Variants in PPP2R2B observed in about 807,000 individuals in gnomAD.
The protein encoded by PPP2R2B is protein phosphatase 2 regulatory subunit Bbeta.
Under a neutral mutation model 46.0 loss-of-function variants are expected in PPP2R2B, and 5 were observed. The ratio of observed to expected loss-of-function variants is 0.11; its 90% CI spans 0.06 to 0.23. PPP2R2B has a LOEUF of 0.23. Among genes scored for constraint, PPP2R2B ranks in the 10% least tolerant of loss-of-function variants. The pLI, the probability that PPP2R2B is intolerant of heterozygous loss-of-function variation, is 1.00. For missense variants in PPP2R2B, 367 were observed against 575.0 expected, an observed-to-expected ratio of 0.64 and a Z score of 3.70; for synonymous variants, 215 against 206.7, an observed-to-expected ratio of 1.04 and a Z score of -0.34.
chr5:146,621,053 T>C (rs1237877981), intron 7 of PPP2R2B, among the ~76,000 whole-genome samples: 1 of 152,160 alleles, frequency 6.6e-6, no homozygotes, highest in Non-Finnish European at 1.5e-5. Flanking sequence ...CAGAGCAAGG[T>C]GAGCAGTTCA....
rs138803162 is a variant in PPP2R2B at position 146,582,803 on chromosome 5, G to A, written c.*7144C>T. ...TAAGGGTGGTTGAGAAAGCATCTCT[G>A]AGGAGGTGACATTTGAGCTGAGTTT... On this transcript the variant is annotated 3_prime_UTR_variant, in exon 10 of 10. Transcript: ENST00000394411. 1 of 152,360 alleles carries A rather than the reference G, an allele frequency of 6.6e-6. No individual in the cohort carries two copies. The highest frequency in any genetic ancestry group is 1.5e-5 in the Non-Finnish European group (1 of 68,054). 9.4% of individuals were successfully genotyped at this position (152,360 alleles called of 1,614,324 possible).
chr5:146,619,975 T>C (rs2151053577), intron 7 of PPP2R2B, among the ~76,000 whole-genome samples: 1 of 152,270 alleles, frequency 6.6e-6, no homozygotes, highest in Admixed American at 6.5e-5. Context: ...AGTTAGGGAA[T>C]TGGCCCCACA....
intron 5 of PPP2R2B, among the ~76,000 whole-genome samples, chr5:146,666,843 C>T (rs1024757442): frequency 2.0e-5 from 3 of 152,186 alleles, no homozygotes; most frequent in Non-Finnish European, 2.9e-5. Context: ...CCTTTGTAAT[C>T]GTCCATATCA....
chr5:147,018,441 C>A (rs1755111715), intron 1 of PPP2R2B, among the ~76,000 whole-genome samples: 1 of 152,120 alleles, frequency 6.6e-6, no homozygotes, highest in African/African-American at 2.4e-5. Context: ...GCCTTCACCT[C>A]TCTTTAAAAG....
In PPP2R2B at chr5:146,638,242, G is replaced by A; in HGVS notation, c.790+9C>T. On this transcript the variant is annotated intron_variant, in intron 7 of 9. Transcript: ENST00000394411. ...CCATGCCCCCCACCTCCCTTCAGTT[G>A]CTACTCACATTTGGTGTGCCTGTCA... 1 of 1,611,324 alleles carries A rather than the reference G, an allele frequency of 6.2e-7. No homozygotes were observed.
intron 2 of PPP2R2B, among the ~76,000 whole-genome samples, chr5:146,864,739 C>T (rs319230): frequency 1.1e-4 from 17 of 152,040 alleles, no homozygotes; most frequent in African/African-American, 2.2e-4. Flanking sequence ...TGGAGCTTTG[C>T]GGGGTAGAAG....
At chr5:146,931,525 A>G (rs1763969500) in intron 1 of PPP2R2B, among the ~76,000 whole-genome samples, 1 of 152,184 alleles carries the variant, frequency 6.6e-6, no homozygotes, top group African/African-American at 2.4e-5. Context: ...CTGTTTGCTT[A>G]TCGAGATTTA....
At chr5:146,684,267 A>G in intron 5 of PPP2R2B, among the ~76,000 whole-genome samples, 1 of 152,248 alleles carries the variant, frequency 6.6e-6, no homozygotes, top group East Asian at 1.9e-4. Context: ...CTATGTCCTA[A>G]GAGGCCTCAG....
chr5:146,723,546 G>T (rs918419993), intron 2 of PPP2R2B, among the ~76,000 whole-genome samples: 8 of 152,118 alleles, frequency 5.3e-5, no homozygotes, highest in Admixed American at 3.9e-4. Context: ...GAATACAAAA[G>T]AATAATGCTC....
At chr5:146,599,211 T>G (rs1388220417) in intron 8 of PPP2R2B, among the ~76,000 whole-genome samples, 1 of 152,138 alleles carries the variant, frequency 6.6e-6, no homozygotes, top group African/African-American at 2.4e-5. Context: ...TTCCTTTGTT[T>G]CCTTGCATTT....
chr5:146,746,295 T>C (rs1257271793), intron 2 of PPP2R2B, among the ~76,000 whole-genome samples: 5 of 152,150 alleles, frequency 3.3e-5, no homozygotes, highest in African/African-American at 9.7e-5. Context: ...CAGATCCACC[T>C]TGACTAAACA....
chr5:146,977,112 A>T (rs934600417), intron 1 of PPP2R2B, among the ~76,000 whole-genome samples: 2 of 152,188 alleles, frequency 1.3e-5, no homozygotes. Context: ...TGTCTAACAC[A>T]TCAGAAAATT....
chr5:146,720,458 C>T (rs1344700844), intron 2 of PPP2R2B, among the ~76,000 whole-genome samples: 11 of 152,128 alleles, frequency 7.2e-5, no homozygotes, highest in Admixed American at 7.2e-4. Flanking sequence ...TGCTATACAA[C>T]AATACTTCAA....
At chr5:146,858,705 G>A (rs920414233) in intron 2 of PPP2R2B, among the ~76,000 whole-genome samples, 1 of 152,108 alleles carries the variant, frequency 6.6e-6, no homozygotes, top group African/African-American at 2.4e-5. Flanking sequence ...CCAAATGGTA[G>A]ATATCTGTGA....
At chr5:147,011,322 G>A (rs1311650840) in intron 1 of PPP2R2B, among the ~76,000 whole-genome samples, 1 of 151,880 alleles carries the variant, frequency 6.6e-6, no homozygotes, top group Admixed American at 6.6e-5. Context: ...CTACATAGGA[G>A]CTTTCCATTT....
At chr5:146,862,363 G>T (rs1761055191) in intron 2 of PPP2R2B, among the ~76,000 whole-genome samples, 2 of 152,228 alleles carry the variant, frequency 1.3e-5, no homozygotes, top group South Asian at 4.1e-4. Context: ...GAAAGATGTG[G>T]TCACTGCCTT....
At chr5:146,963,312 A>G (rs941617586) in intron 1 of PPP2R2B, among the ~76,000 whole-genome samples, 1 of 152,148 alleles carries the variant, frequency 6.6e-6, no homozygotes, top group African/African-American at 2.4e-5. Flanking sequence ...TTTCATGTGA[A>G]AATTCCTCCC....
chr5:147,019,883 C>T (rs141546924), intron 1 of PPP2R2B, among the ~76,000 whole-genome samples: 112 of 152,212 alleles, frequency 7.4e-4, no homozygotes, highest in African/African-American at 2.2e-3. Context: ...GGGAATACAC[C>T]GCTCAGATCT....
intron 1 of PPP2R2B, among the ~76,000 whole-genome samples, chr5:146,990,177 G>C (rs1410425518): frequency 1.3e-5 from 2 of 151,370 alleles, no homozygotes; most frequent in Non-Finnish European, 3.0e-5. Context: ...TTCAAATTCA[G>C]TGCAATTTCT....
Sources: gnomAD v4.1 joint callset for allele counts (sites outside exome capture counted in the v4.1 genomes callset) on GRCh38, gnomAD v4.1.1 for gene constraint, MANE v1.5 for transcripts, NCBI Gene and HGNC (gene_info 2026-07-23, HGNC 2026-07-21) for gene names.